The following ATRN variants were observed in gnomAD, a reference collection of about 807,000 sequenced individuals.
ATRN encodes the protein attractin-2.
Under a neutral mutation model 178.7 loss-of-function variants are expected in ATRN, and 54 were observed. That is an observed-to-expected ratio of 0.30 (90% CI 0.24 to 0.38). ATRN has a LOEUF of 0.38. Among genes scored for constraint, ATRN ranks in the 10% least tolerant of loss-of-function variants. ATRN has a pLI of 1.00. For synonymous variants in ATRN, 636 were observed against 663.0 expected, an observed-to-expected ratio of 0.96 and a Z score of 0.63; for missense variants, 1,443 against 1,815.1, an observed-to-expected ratio of 0.79 and a Z score of 3.73.
chr20:3,560,016 C>T (rs2085928944), intron 7 of ATRN, among the ~76,000 whole-genome samples: 1 of 151,866 alleles, frequency 6.6e-6, no homozygotes, highest in Non-Finnish European at 1.5e-5. Context: ...TTTTGCTAAC[C>T]CTTAAAATTT....
rs750911567 is a variant in ATRN at position 3,549,260 on chromosome 20, A to C, written c.1034A>C (p.Lys345Thr). The change falls in exon 6 of 29, where the codon AAA (lysine) becomes ACA (threonine). Residue 345 changes from lysine to threonine, a missense_variant. Transcript: ENST00000262919. ...TTAAAGCTCCCCAGAGCATCTCATA[A>C]AGCTGTGGTCAATGGAAACATTATG... is the stretch of plus-strand genomic sequence containing the variant. ...SNLKLPRASH[K>T]AVVNGNIMWV... The C allele has an allele frequency of 3.1e-6, 5 of 1,610,982 alleles. No homozygotes were observed. In the South Asian group the frequency reaches 5.5e-5, roughly 18 times the overall value.
chr20:3,474,662 G>A (rs1380644540), intron 1 of ATRN, among the ~76,000 whole-genome samples: 2 of 151,350 alleles, frequency 1.3e-5, no homozygotes, highest in Non-Finnish European at 2.9e-5. Context: ...AGCCGAGATC[G>A]CACCACTGCA....
rs1164828649 is a variant in ATRN at position 3,540,311 on chromosome 20, A to G, written c.584A>G (p.Tyr195Cys). The change falls in exon 3 of 29, where the codon TAT becomes TGT. Residue 195 changes from tyrosine to cysteine, a missense_variant. Coordinates refer to ENST00000262919, the MANE Select transcript of ATRN (RefSeq NM_139321.3). ...HLYVYDGDSIYAPLVAAFSGL... is the reference protein window; with the variant it reads ...HLYVYDGDSICAPLVAAFSGL... ...TATGTTTATGATGGGGACTCAATTT[A>G]TGCACCGCTAGTTGCTGCATTTAGG... 1 of 1,607,376 alleles carries G rather than the reference A, an allele frequency of 6.2e-7. No homozygotes were observed. Among genetic ancestry groups the G allele is most frequent in the Admixed American group, 1.7e-5 (1 of 59,506 alleles).
chr20:3,619,449 G>C (rs2086879744), intron 24 of ATRN, among the ~76,000 whole-genome samples: 1 of 152,208 alleles, frequency 6.6e-6, no homozygotes, highest in Admixed American at 6.5e-5. Flanking sequence ...GCCAATGAAA[G>C]GTCCTTTCTT....
intron 1 of ATRN, among the ~76,000 whole-genome samples, chr20:3,519,760 G>A (rs2085263436): frequency 6.6e-6 from 1 of 152,090 alleles, no homozygotes; most frequent in African/African-American, 2.4e-5. Flanking sequence ...AAAGAAAAAG[G>A]AAACGGATGG....
At chr20:3,601,952 A>G (rs182358390) in intron 23 of ATRN, among the ~76,000 whole-genome samples, 207 of 152,100 alleles carry the variant, frequency 1.4e-3, no homozygotes, top group African/African-American at 4.7e-3. Context: ...AAATTTGTCC[A>G]TTAAATTTAC....
chr20:3,565,538 C>T (rs549338404), intron 11 of ATRN, 106 bp downstream of exon 11: 9 of 883,400 alleles, frequency 1.0e-5, no homozygotes, highest in East Asian at 5.1e-5. Context: ...GAGGCCGAGG[C>T]GGGTGGAATA....
At chr20:3,590,508 T>C (rs945549858) in intron 18 of ATRN, among the ~76,000 whole-genome samples, 2 of 152,170 alleles carry the variant, frequency 1.3e-5, no homozygotes, top group South Asian at 4.1e-4. Context: ...CATATACCTT[T>C]CTAGTTGTAA....
intron 1 of ATRN, among the ~76,000 whole-genome samples, chr20:3,529,890 A>G (rs2085426607): frequency 6.6e-6 from 1 of 152,218 alleles, no homozygotes; most frequent in Non-Finnish European, 1.5e-5. Context: ...ATATTGTGGC[A>G]GTAAAATACT....
At position 3,524,874 on chromosome 20, in the gene ATRN, AC is replaced by A. The variant is rs2085343423; in HGVS notation, c.411-10378del. Among the ~76,000 whole-genome samples, 3 of 152,340 alleles carry A rather than the reference AC, an allele frequency of 2.0e-5. No homozygotes were observed. In the South Asian group the frequency reaches 6.2e-4, roughly 32 times the overall value. On this transcript the variant is annotated intron_variant, in intron 1 of 28. Transcript: ENST00000262919. Reference sequence around the variant, plus strand: ...TGAAACCAGTGAGAACAAAGACACGACATACCAGAATCTCTGGGACGCAGCC... The same window carrying A: ...TGAAACCAGTGAGAACAAAGACACGAATACCAGAATCTCTGGGACGCAGCC...
intron 4 of ATRN, 43 bp downstream of exon 4, chr20:3,545,933 C>CT (rs2085694668): frequency 1.3e-6 from 2 of 1,592,564 alleles, no homozygotes; most frequent in Non-Finnish European, 1.7e-6. Flanking sequence ...ATTCAGGAGA[C>CT]TATCTACTAT....
At chr20:3,573,573 G>A (rs1269830474) in intron 12 of ATRN, among the ~76,000 whole-genome samples, 1 of 152,046 alleles carries the variant, frequency 6.6e-6, no homozygotes, top group East Asian at 1.9e-4. Context: ...GGATACAACA[G>A]TGATATCAAG....
At chr20:3,481,582 G>A (rs1408993719) in intron 1 of ATRN, among the ~76,000 whole-genome samples, 1 of 152,120 alleles carries the variant, frequency 6.6e-6, no homozygotes, top group Non-Finnish European at 1.5e-5. Flanking sequence ...CTGGGTTCAA[G>A]CAATCCTCTC....
chr20:3,481,637 T>A (rs1477495200), intron 1 of ATRN, among the ~76,000 whole-genome samples: 1 of 150,624 alleles, frequency 6.6e-6, no homozygotes, highest in African/African-American at 2.5e-5. Flanking sequence ...AGAGCCACCA[T>A]GCTTGGACCC....
intron 1 of ATRN, among the ~76,000 whole-genome samples, chr20:3,496,684 G>C (rs2084884785): frequency 6.6e-6 from 1 of 152,168 alleles, no homozygotes; most frequent in Non-Finnish European, 1.5e-5. Flanking sequence ...TTGGTGCAGA[G>C]CTGAGTTCAA....
chr20:3,590,281 A>C (rs2086421810), intron 18 of ATRN, among the ~76,000 whole-genome samples: 1 of 152,224 alleles, frequency 6.6e-6, no homozygotes, highest in African/African-American at 2.4e-5. Context: ...AAATACTAAC[A>C]GGTGCATAAA....
intron 24 of ATRN, among the ~76,000 whole-genome samples, chr20:3,616,319 T>C (rs1216550423): frequency 1.3e-5 from 2 of 152,214 alleles, no homozygotes; most frequent in East Asian, 3.9e-4. Flanking sequence ...CAGCAGACTT[T>C]CTGGCCCAGA....
intron 1 of ATRN, among the ~76,000 whole-genome samples, chr20:3,515,469 G>A (rs1027021111): frequency 1.3e-5 from 2 of 152,106 alleles, no homozygotes; most frequent in Non-Finnish European, 2.9e-5. Flanking sequence ...CAGAGTGGAG[G>A]GTTTTGGGGA....
At position 3,480,029 on chromosome 20, in the gene ATRN, C is replaced by G. The variant is rs145191110; in HGVS notation, c.410+8512C>G. 5.9e-3 allele frequency among the ~76,000 whole-genome samples: 897 copies of G among 152,268 alleles called. 8 individuals carry two copies. Among genetic ancestry groups the G allele is most frequent in the African/African-American group, 0.021 (868 of 41,542 alleles). On this transcript the variant is annotated intron_variant, in intron 1 of 28. Coordinates refer to ENST00000262919, the MANE Select transcript of ATRN (RefSeq NM_139321.3). The stretch of plus-strand genomic sequence containing the variant: ...ATCTTTTTGGGGAACACAGTACAAC[C>G]CACAGCACCTGGAGAACTGAATGTA...
Sources: allele counts gnomAD v4.1 joint callset (sites outside exome capture counted in the v4.1 genomes callset), GRCh38; gene constraint gnomAD v4.1.1; transcripts MANE v1.5; gene names NCBI Gene and HGNC (gene_info 2026-07-23, HGNC 2026-07-21).